Variants in ERBB4 observed in about 807,000 individuals in gnomAD.
ERBB4 encodes receptor tyrosine-protein kinase erbB-4.
ERBB4 carries 42 observed loss-of-function variants against 158.0 expected under a neutral mutation model. The observed-to-expected ratio is 0.27, with a 90% confidence interval of 0.21 to 0.34. The LOEUF (loss-of-function observed/expected upper bound fraction) is 0.34, where lower values mean the gene tolerates loss of function less well. Among genes scored for constraint, ERBB4 ranks in the 10% least tolerant of loss-of-function variants. The pLI is 1.00. For missense variants in ERBB4, 1,333 were observed against 1,624.1 expected (o/e 0.82, Z 3.08); for synonymous variants, 583 against 558.7 (o/e 1.04, Z -0.61).
chr2:211,650,394 G>T (rs1447733346), intron 16 of ERBB4, among the ~76,000 whole-genome samples: 1 of 151,972 alleles, frequency 6.6e-6, no homozygotes, highest in Admixed American at 6.6e-5. Context: ...AGGTCATACT[G>T]GGAATTCTAA....
chr2:212,314,438 A>G (rs13398000), intron 1 of ERBB4, among the ~76,000 whole-genome samples: 107,996 of 150,506 alleles, frequency 0.72, 41,824 homozygotes, highest in East Asian at 0.87. Flanking sequence ...CATTAAAAAA[A>G]AAAAGAAAAG....
intron 15 of ERBB4, among the ~76,000 whole-genome samples, chr2:211,660,111 G>GA (rs1267896690): frequency 2.0e-5 from 3 of 152,090 alleles, no homozygotes; most frequent in Non-Finnish European, 4.4e-5. Context: ...AGGAAGAGGG[G>GA]AAAAAAGAAG....
intron 1 of ERBB4, among the ~76,000 whole-genome samples, chr2:212,303,248 G>A (rs1039161545): frequency 1.3e-5 from 2 of 151,342 alleles, no homozygotes; most frequent in Non-Finnish European, 3.0e-5. Context: ...GTGCTTAATG[G>A]ATTAGGGAGC....
chr2:211,414,112 C>T (rs563218674), intron 25 of ERBB4, among the ~76,000 whole-genome samples: 18 of 152,236 alleles, frequency 1.2e-4, no homozygotes, highest in African/African-American at 4.3e-4. Context: ...GGGGACCCTT[C>T]CCTATCTGCC....
intron 1 of ERBB4, among the ~76,000 whole-genome samples, chr2:212,166,233 G>C (rs2081343095): frequency 6.6e-6 from 1 of 151,880 alleles, no homozygotes; most frequent in Admixed American, 6.6e-5. Context: ...ATTACACTCA[G>C]CTTTATTATT....
chr2:212,072,608 A>G (rs2125448422), intron 2 of ERBB4, among the ~76,000 whole-genome samples: 1 of 152,114 alleles, frequency 6.6e-6, no homozygotes, highest in East Asian at 1.9e-4. Context: ...CATTATTAGA[A>G]TATTGGAGAA....
At position 211,412,724 on chromosome 2, in the gene ERBB4, G is replaced by C. The variant is rs919384676; in HGVS notation, c.3135+7717C>G. 7.2e-5 allele frequency among the ~76,000 whole-genome samples: 11 copies of C among 152,202 alleles called. No homozygotes were observed. The South Asian group carries it at 8.3e-4, about 12-fold the overall frequency. The stretch of plus-strand genomic sequence containing the variant: ...TAATCCTAGCACTTTGGGAGGCTGA[G>C]AGGGGTGGATGACGAGGTCAGGAGA... On this transcript the variant is annotated intron_variant, in intron 25 of 27. Coordinates refer to ENST00000342788, the MANE Select transcript of ERBB4 (RefSeq NM_005235.3).
At chr2:211,716,655 G>C (rs901178747) in intron 7 of ERBB4, among the ~76,000 whole-genome samples, 1 of 151,518 alleles carries the variant, frequency 6.6e-6, no homozygotes, top group African/African-American at 2.4e-5. Flanking sequence ...CGGCCTGGGC[G>C]ACAGAGCGAG....
chr2:211,406,260 A>T (rs1023191036), intron 25 of ERBB4, among the ~76,000 whole-genome samples: 1 of 152,208 alleles, frequency 6.6e-6, no homozygotes, highest in African/African-American at 2.4e-5. Context: ...GCACAACTGC[A>T]TATGGCTCTA....
chr2:211,460,116 G>C (rs2125499721), intron 20 of ERBB4, among the ~76,000 whole-genome samples: 1 of 121,982 alleles, frequency 8.2e-6, no homozygotes, highest in African/African-American at 2.6e-5. Flanking sequence ...CAGACTTTCA[G>C]GAATGCTTTA....
At chr2:211,906,676 AT>A (rs2079401627) in intron 3 of ERBB4, among the ~76,000 whole-genome samples, 1 of 150,862 alleles carries the variant, frequency 6.6e-6, no homozygotes, top group African/African-American at 2.4e-5. Flanking sequence ...CCCAATATTT[AT>A]TTTTTTTCTG....
At chr2:212,329,482 A>C (rs551125517) in intron 1 of ERBB4, among the ~76,000 whole-genome samples, 1 of 152,210 alleles carries the variant, frequency 6.6e-6, no homozygotes, top group South Asian at 2.1e-4. Flanking sequence ...GTTTTTAAAG[A>C]AAGATTTCTG....
intron 2 of ERBB4, among the ~76,000 whole-genome samples, chr2:212,084,171 A>G (rs1427166090): frequency 2.0e-5 from 3 of 152,014 alleles, no homozygotes; most frequent in African/African-American, 7.2e-5. Flanking sequence ...AAATAGGAAG[A>G]CAAATGACTT....
rs572756739 is a variant in ERBB4 at position 211,826,475 on chromosome 2, CTCTTA to C, written c.422-38321_422-38317del. On this transcript the variant is annotated intron_variant, in intron 3 of 27. Transcript: ENST00000342788. ...TTCCATCCATAGCCCTTATTATCTT[CTCTTA>C]TACTATATTATTTATTTATTTATTG... is the stretch of plus-strand genomic sequence containing the variant. Among the ~76,000 whole-genome samples the C allele has an allele frequency of 3.8e-4, 57 of 151,928 alleles. No homozygotes were observed. The South Asian group carries it at 0.012, about 31-fold the overall frequency.
At chr2:211,608,460 G>C (rs1432239296) in intron 19 of ERBB4, among the ~76,000 whole-genome samples, 1 of 152,044 alleles carries the variant, frequency 6.6e-6, no homozygotes, top group Non-Finnish European at 1.5e-5. Flanking sequence ...TTTGCAATGA[G>C]AACAATGATT....
intron 1 of ERBB4, among the ~76,000 whole-genome samples, chr2:212,512,952 A>C (rs1377826332): frequency 1.3e-5 from 2 of 152,156 alleles, no homozygotes; most frequent in Admixed American, 6.5e-5. Flanking sequence ...TCTTGAGATT[A>C]TTTCTTTCAA....
At chr2:211,876,198 A>C (rs946744103) in intron 3 of ERBB4, among the ~76,000 whole-genome samples, 1 of 152,160 alleles carries the variant, frequency 6.6e-6, no homozygotes, top group Non-Finnish European at 1.5e-5. Context: ...ATTTTGCCAA[A>C]ATATTGTATA....
intron 12 of ERBB4, among the ~76,000 whole-genome samples, chr2:211,689,060 G>A (rs4315465): frequency 6.6e-6 from 1 of 151,958 alleles, no homozygotes; most frequent in Non-Finnish European, 1.5e-5. Context: ...TTGATGTTTT[G>A]CTTGGGAATG....
Position 212,059,765 on chromosome 2 carries a change from C to A in ERBB4, c.234+64987G>T, listed in dbSNP as rs562003087. 1.0e-3 allele frequency among the ~76,000 whole-genome samples: 158 copies of A among 152,168 alleles called. 1 individual carries two copies. The highest frequency in any genetic ancestry group is 3.6e-3 in the African/African-American group (150 of 41,524). On this transcript the variant is annotated intron_variant, in intron 2 of 27. Transcript: ENST00000342788. ...TGTAGAAAGCTGAAACTGGATCCCTCCCTTACACCTTATACAAAAATTAAT... is the reference window on the plus strand; with the variant it reads ...TGTAGAAAGCTGAAACTGGATCCCTACCTTACACCTTATACAAAAATTAAT...
Sources: allele counts gnomAD v4.1 joint callset (sites outside exome capture counted in the v4.1 genomes callset), GRCh38; gene constraint gnomAD v4.1.1; transcripts MANE v1.5; gene names NCBI Gene and HGNC (gene_info 2026-07-23, HGNC 2026-07-21).